Variants in LNP1 observed in about 807,000 individuals in gnomAD.
The protein encoded by LNP1 is leukemia NUP98 fusion partner 1.
LNP1 carries 12 observed loss-of-function variants against 14.5 expected under a neutral mutation model. The ratio of observed to expected loss-of-function variants is 0.83; its 90% CI spans 0.53 to 1.34. The LOEUF is 1.34. Among genes scored for constraint, LNP1 ranks in the 40% most tolerant of loss-of-function variants. The pLI is 0.00. For missense variants in LNP1, 198 were observed against 210.9 expected, an observed-to-expected ratio of 0.94 and a Z score of 0.38; for synonymous variants, 75 against 71.4, an observed-to-expected ratio of 1.05 and a Z score of -0.26.
chr3:100,450,117 G>A lies in LNP1; in HGVS notation c.157-1602G>A, dbSNP rs752866335. Among the ~76,000 whole-genome samples, 226 of 138,932 alleles carry A rather than the reference G, an allele frequency of 1.6e-3. 2 individuals carry two copies. Among genetic ancestry groups the A allele is most frequent in the African/African-American group, 5.3e-3 (195 of 36,486 alleles). The allele number at this position is 138,932 out of a possible 152,430, so 91.1% of individuals were successfully genotyped here. On this transcript the variant is annotated intron_variant, in intron 2 of 3. Transcript: ENST00000383693. Reference sequence around the variant, plus strand: ...TTTTTTTTTTTTTTTTGGTGGGAACGTAGCCACTTCAGAGGCCTTGTTCCC... The same window carrying A: ...TTTTTTTTTTTTTTTTGGTGGGAACATAGCCACTTCAGAGGCCTTGTTCCC...
intron 2 of LNP1, among the ~76,000 whole-genome samples, chr3:100,431,946 G>C (rs1039427175): frequency 7.2e-6 from 1 of 138,724 alleles, no homozygotes; most frequent in Non-Finnish European, 1.5e-5. Context: ...AGTGAACGGT[G>C]AACATGCCAC....
intron 3 of LNP1, among the ~76,000 whole-genome samples, chr3:100,452,287 C>T (rs548176358): frequency 1.3e-5 from 2 of 149,876 alleles, no homozygotes; most frequent in South Asian, 2.1e-4. Context: ...ACTGCAGCCT[C>T]GAACTCCTGG....
At chr3:100,408,982 G>C (rs1706998588) in intron 1 of LNP1, among the ~76,000 whole-genome samples, 8 of 152,154 alleles carry the variant, frequency 5.3e-5, no homozygotes, top group Admixed American at 5.2e-4. Context: ...ATATTTCTCT[G>C]TGGGAAAATT....
chr3:100,454,399 A>C (rs2148909338), intron 3 of LNP1, among the ~76,000 whole-genome samples: 1 of 152,268 alleles, frequency 6.6e-6, no homozygotes, highest in East Asian at 1.9e-4. Context: ...TAATCTACAC[A>C]CTTTCCTAAG....
chr3:100,419,804 G>A (rs150246216), intron 1 of LNP1, among the ~76,000 whole-genome samples: 59 of 152,204 alleles, frequency 3.9e-4, no homozygotes, highest in African/African-American at 1.3e-3. Context: ...TCTCTTGAAT[G>A]TGTCAGGTTG....
chr3:100,429,537 G>A (rs1707223747), intron 1 of LNP1, among the ~76,000 whole-genome samples, 160 bp from the exon 2 acceptor site: 2 of 152,156 alleles, frequency 1.3e-5, no homozygotes, highest in South Asian at 4.1e-4. Flanking sequence ...ATTGCCCAAG[G>A]CTGCCTGATG....
intron 1 of LNP1, among the ~76,000 whole-genome samples, chr3:100,421,200 AAGC>A (rs1707141167): frequency 6.6e-6 from 1 of 152,166 alleles, no homozygotes; most frequent in Non-Finnish European, 1.5e-5. Flanking sequence ...ATTTGTTGAA[AAGC>A]CTATCCTTCC....
chr3:100,439,009 G>C (rs1188578270), intron 2 of LNP1, among the ~76,000 whole-genome samples: 2 of 152,164 alleles, frequency 1.3e-5, no homozygotes, highest in Non-Finnish European at 2.9e-5. Flanking sequence ...GCTTCTCCCT[G>C]TCCCAATTAC....
chr3:100,407,369 G>C lies in LNP1; in HGVS notation c.-34+4930G>C, dbSNP rs140330816. Among the ~76,000 whole-genome samples, 5 of 152,230 alleles carry C rather than the reference G, an allele frequency of 3.3e-5. No homozygotes were observed. The East Asian group carries it at 9.7e-4, about 29-fold the overall frequency. ...CAGTTTTGCTGAGTACAGTATTCTT[G>C]ATTGACAGTCTTTTTTTTCCTTTAG... On this transcript the variant is annotated intron_variant, in intron 1 of 3. Coordinates refer to ENST00000383693, the MANE Select transcript of LNP1 (RefSeq NM_001085451.2).
intron 2 of LNP1, among the ~76,000 whole-genome samples, chr3:100,437,366 CTGTT>C (rs989036948): frequency 2.0e-5 from 3 of 152,140 alleles, no homozygotes; most frequent in Non-Finnish European, 4.4e-5. Flanking sequence ...TAGCTCTCCT[CTGTT>C]TGGCCACTAT....
intron 1 of LNP1, among the ~76,000 whole-genome samples, chr3:100,403,653 G>C (rs538964760): frequency 6.6e-6 from 1 of 152,234 alleles, no homozygotes; most frequent in African/African-American, 2.4e-5. Context: ...TGGCCAAGCT[G>C]GTCTTGAACT....
At chr3:100,411,775 G>GC (rs1707033916) in intron 1 of LNP1, among the ~76,000 whole-genome samples, 1 of 151,908 alleles carries the variant, frequency 6.6e-6, no homozygotes, top group Non-Finnish European at 1.5e-5. Flanking sequence ...TCAAACCAAG[G>GC]CCCCACCCTC....
At chr3:100,406,008 G>A (rs1706961960) in intron 1 of LNP1, among the ~76,000 whole-genome samples, 2 of 152,162 alleles carry the variant, frequency 1.3e-5, no homozygotes, top group South Asian at 2.1e-4. Context: ...TATGTGGGCC[G>A]GGTGCAGTGG....
intron 2 of LNP1, among the ~76,000 whole-genome samples, chr3:100,439,088 C>T (rs1435934058): frequency 6.6e-6 from 1 of 152,146 alleles, no homozygotes; most frequent in Non-Finnish European, 1.5e-5. Context: ...CAAAACCTAA[C>T]TGCTGTAAGG....
chr3:100,411,920 A>G (rs1391840518), intron 1 of LNP1, among the ~76,000 whole-genome samples: 1 of 152,220 alleles, frequency 6.6e-6, no homozygotes, highest in Non-Finnish European at 1.5e-5. Flanking sequence ...TAGTTAGCAT[A>G]TAATAGACAC....
At chr3:100,413,299 A>G (rs1707048239) in intron 1 of LNP1, among the ~76,000 whole-genome samples, 1 of 152,152 alleles carries the variant, frequency 6.6e-6, no homozygotes, top group Admixed American at 6.5e-5. Flanking sequence ...TGGTTTCTGC[A>G]TTATTCAACT....
intron 3 of LNP1, among the ~76,000 whole-genome samples, 194 bp from the exon 4 acceptor site, chr3:100,455,583 A>G (rs995778557): frequency 1.2e-4 from 18 of 152,138 alleles, no homozygotes; most frequent in Non-Finnish European, 2.2e-4. Context: ...CTGATGTCCA[A>G]CCCCCTCTAT....
intron 1 of LNP1, among the ~76,000 whole-genome samples, chr3:100,416,080 G>T (rs1045367881): frequency 3.3e-5 from 5 of 152,192 alleles, no homozygotes; most frequent in Non-Finnish European, 5.9e-5. Flanking sequence ...CCTTTGCAAG[G>T]CAGAAGGCAG....
intron 1 of LNP1, among the ~76,000 whole-genome samples, chr3:100,426,094 G>T (rs1271041821): frequency 1.3e-5 from 2 of 152,220 alleles, no homozygotes; most frequent in African/African-American, 4.8e-5. Flanking sequence ...CCCCTAGCTT[G>T]CAGCTTTTGA....
Sources: gnomAD v4.1 joint callset for allele counts (sites outside exome capture counted in the v4.1 genomes callset) on GRCh38, gnomAD v4.1.1 for gene constraint, MANE v1.5 for transcripts, NCBI Gene and HGNC (gene_info 2026-07-23, HGNC 2026-07-21) for gene names.